Variants in ZNF273 observed in about 807,000 individuals in gnomAD.
ZNF273 encodes the protein zinc finger protein 273, also known as zinc finger protein 9.
Under a neutral mutation model 14.9 loss-of-function variants are expected in ZNF273, and 11 were observed. The observed-to-expected ratio is 0.74, with a 90% CI of 0.46 to 1.22. The LOEUF is 1.22. Ranked by LOEUF, ZNF273 falls within the 50% of genes most tolerant of loss-of-function variation. The pLI, the probability that ZNF273 is intolerant of heterozygous loss-of-function variation, is 0.00. For synonymous variants in ZNF273, 199 were observed against 223.9 expected (o/e 0.89, Z 0.99); for missense variants, 577 against 660.6 (o/e 0.87, Z 1.39).
chr7:64,924,803 A>ATT (rs34906700), intron 3 of ZNF273, among the ~76,000 whole-genome samples: 2,043 of 145,116 alleles, frequency 0.014, 19 homozygotes, highest in African/African-American at 0.018. Context: ...GATTTTTCAA[A>ATT]TTTTTTTTTT....
chr7:64,888,732 G>T (rs1286192887), exon 2 of ZNF273: 4 of 985,616 alleles, frequency 4.1e-6, no homozygotes, highest in Non-Finnish European at 4.8e-6. Context: ...GGAGAGTCCC[G>T]TTCACACCCA....
intron 1 of ZNF273, among the ~76,000 whole-genome samples, chr7:64,913,880 T>C (rs189559876): frequency 5.9e-5 from 9 of 152,294 alleles, no homozygotes; most frequent in Admixed American, 5.9e-4. Context: ...AGGCTTCTAA[T>C]GAGGATTACA....
At chr7:64,887,758 A>G (rs576749603) in intron 1 of ZNF273, among the ~76,000 whole-genome samples, 17 of 151,040 alleles carry the variant, frequency 1.1e-4, no homozygotes, top group Non-Finnish European at 2.2e-4. Context: ...TCGACCTCCC[A>G]GAGTGCTGGG....
downstream of ZNF273, among the ~76,000 whole-genome samples, chr7:64,883,854 C>T (rs1791421198): frequency 6.6e-6 from 1 of 152,198 alleles, no homozygotes; most frequent in South Asian, 2.1e-4. Context: ...TTTCCTTGTT[C>T]ACAGAGGACG....
intron 1 of ZNF273, among the ~76,000 whole-genome samples, chr7:64,913,142 T>G (rs761611972): frequency 2.0e-5 from 3 of 152,170 alleles, no homozygotes; most frequent in Non-Finnish European, 4.4e-5. Flanking sequence ...CAGCAACTTA[T>G]TTTCTATTCT....
downstream of ZNF273, among the ~76,000 whole-genome samples, chr7:64,934,214 T>A (rs79611397): frequency 0.071 from 10,802 of 151,670 alleles, 556 homozygotes; most frequent in South Asian, 0.16. Context: ...CATTTTTTTT[T>A]ATATTAAAGT....
downstream of ZNF273, among the ~76,000 whole-genome samples, chr7:64,932,897 T>C (rs1159445927): frequency 6.6e-6 from 1 of 152,158 alleles, no homozygotes; most frequent in East Asian, 1.9e-4. Flanking sequence ...CTGTAAAACA[T>C]TGCAAAATAA....
At chr7:64,888,714 G>A in exon 2 of ZNF273, 1 of 985,836 alleles carries the variant, frequency 1.0e-6, no homozygotes, top group Non-Finnish European at 1.2e-6. Context: ...CTGGAGGACA[G>A]CGGGATGGGA....
intron 1 of ZNF273, among the ~76,000 whole-genome samples, chr7:64,907,694 A>G (rs775826998): frequency 4.6e-5 from 7 of 152,128 alleles, no homozygotes; most frequent in Non-Finnish European, 7.3e-5. Context: ...GTATTCCACA[A>G]ACTCTAGAGA....
At chr7:64,922,580 G>A (rs1390198211) in intron 3 of ZNF273, among the ~76,000 whole-genome samples, 7 of 151,914 alleles carry the variant, frequency 4.6e-5, no homozygotes, top group Non-Finnish European at 8.8e-5. Flanking sequence ...CCAAAGTGCT[G>A]GGATTACAGG....
chr7:64,911,488 C>G (rs1391372504), intron 1 of ZNF273, among the ~76,000 whole-genome samples: 1 of 152,018 alleles, frequency 6.6e-6, no homozygotes, highest in African/African-American at 2.4e-5. Context: ...GTTTCGAACT[C>G]CCGACCTGAG....
intron 3 of ZNF273, among the ~76,000 whole-genome samples, chr7:64,922,245 T>C (rs183500097): frequency 1.3e-5 from 2 of 152,096 alleles, no homozygotes; most frequent in East Asian, 3.9e-4. Flanking sequence ...CAAACTCAGA[T>C]GATTCTATCA....
intron 1 of ZNF273, among the ~76,000 whole-genome samples, chr7:64,910,817 G>A (rs1793453349): frequency 7.0e-6 from 1 of 142,976 alleles, no homozygotes. Context: ...CCAGGCTGGA[G>A]TGCAATGGTG....
At chr7:64,914,182 AT>A (rs375695781) in intron 1 of ZNF273, among the ~76,000 whole-genome samples, 26,045 of 70,528 alleles carry the variant, frequency 0.37, 5,081 homozygotes, top group Admixed American at 0.4. Context: ...TAATTTTTGT[AT>A]TTTTTTTTTT....
chr7:64,924,427 A>G (rs1299315631), intron 3 of ZNF273: 2 of 152,202 alleles, frequency 1.3e-5, no homozygotes, highest in African/African-American at 4.8e-5. Flanking sequence ...AAAATAGTCT[A>G]TAATTATATT....
chr7:64,903,183 C>T (rs1248289708), upstream of ZNF273: 7 of 677,054 alleles, frequency 1.0e-5, no homozygotes, highest in South Asian at 1.8e-5. Context: ...CCTTAAACAT[C>T]CTCCAATCAG....
chr7:64,919,515 G>A (rs1029580408), intron 3 of ZNF273, among the ~76,000 whole-genome samples: 1 of 151,810 alleles, frequency 6.6e-6, no homozygotes, highest in Non-Finnish European at 1.5e-5. Flanking sequence ...GGTGGTGTAC[G>A]CCAGCTACTT....
chr7:64,889,016 A>C (rs989493991), downstream of ZNF273: 2 of 985,862 alleles, frequency 2.0e-6, no homozygotes, highest in African/African-American at 1.7e-5. The surrounding 1 kb of genome is among the most constrained non-coding windows in gnomAD (Gnocchi z 4.2). Context: ...AGAACCGCCT[A>C]CAAGGAACCG....
chr7:64,934,037 G>T (rs1262617749), downstream of ZNF273, among the ~76,000 whole-genome samples: 1 of 152,054 alleles, frequency 6.6e-6, no homozygotes, highest in African/African-American at 2.4e-5. Flanking sequence ...TGGGATTACA[G>T]GCACCCACAA....
Sources: allele counts gnomAD v4.1 joint callset (sites outside exome capture counted in the v4.1 genomes callset), GRCh38; gene constraint gnomAD v4.1.1; non-coding constraint Gnocchi (gnomAD v3.1); transcripts MANE v1.5; gene names NCBI Gene and HGNC (gene_info 2026-07-23, HGNC 2026-07-21).